CNTN4: variants seen among roughly 807,000 people sequenced by gnomAD.
The protein encoded by CNTN4 is contactin 4.
Under a neutral mutation model 122.5 loss-of-function variants are expected in CNTN4, and 77 were observed. That is an observed-to-expected ratio of 0.63 (90% CI 0.52 to 0.76). CNTN4 has a LOEUF of 0.76. Ranked by LOEUF, CNTN4 falls within the 30% of genes least tolerant of loss-of-function variation. The pLI is 0.00. For missense variants in CNTN4, 1,256 were observed against 1,259.1 expected (o/e 1.00, Z 0.04); for synonymous variants, 512 against 447.0 (o/e 1.15, Z -1.83).
At chr3:2,241,385 A>G (rs1269223916) in intron 2 of CNTN4, among the ~76,000 whole-genome samples, 1 of 152,100 alleles carries the variant, frequency 6.6e-6, no homozygotes, top group African/African-American at 2.4e-5. Flanking sequence ...TTTTCTAATC[A>G]TCAACTCATT....
intron 4 of CNTN4, among the ~76,000 whole-genome samples, chr3:2,585,805 T>C (rs557613410): frequency 6.7e-5 from 10 of 150,220 alleles, no homozygotes; most frequent in African/African-American, 2.2e-4. Flanking sequence ...AACCTGCACA[T>C]TGTGCACACG....
intron 6 of CNTN4, among the ~76,000 whole-genome samples, chr3:2,757,010 AT>A (rs1199603821): frequency 6.6e-6 from 1 of 152,218 alleles, no homozygotes; most frequent in Non-Finnish European, 1.5e-5. Flanking sequence ...ACTTTGATCA[AT>A]TTTTTAAAAA....
intron 7 of CNTN4, among the ~76,000 whole-genome samples, chr3:2,842,552 C>T (rs1208216099): frequency 6.6e-6 from 1 of 152,206 alleles, no homozygotes; most frequent in African/African-American, 2.4e-5. Flanking sequence ...AATTTCTATG[C>T]TCCTCTTACG....
chr3:2,968,343 T>G (rs1692540292), intron 13 of CNTN4, among the ~76,000 whole-genome samples: 1 of 152,146 alleles, frequency 6.6e-6, no homozygotes, highest in Admixed American at 6.5e-5. Flanking sequence ...GAAAAAAATG[T>G]GGAAAGGCCA....
chr3:2,362,144 G>A (rs1575462227), intron 3 of CNTN4: 1 of 155,942 alleles, frequency 6.4e-6, no homozygotes, highest in African/African-American at 2.4e-5. Context: ...GTTAAGGAGA[G>A]TGGCTTGAGC....
At chr3:2,309,901 C>T (rs1013279976) in intron 2 of CNTN4, among the ~76,000 whole-genome samples, 4 of 152,106 alleles carry the variant, frequency 2.6e-5, no homozygotes, top group African/African-American at 9.7e-5. Context: ...ATGTTGTTTA[C>T]TGATACTTAC....
chr3:2,129,627 G>A (rs1479649793), intron 2 of CNTN4, among the ~76,000 whole-genome samples: 1 of 151,750 alleles, frequency 6.6e-6, no homozygotes, highest in Non-Finnish European at 1.5e-5. Context: ...CCAAAAATAT[G>A]CTGGAGACTT....
chr3:2,892,403 A>G (rs2094053417), intron 10 of CNTN4: 1 of 152,246 alleles, frequency 6.6e-6, no homozygotes, highest in Non-Finnish European at 1.5e-5. Context: ...AGATTAAATG[A>G]CATGCAAGAG....
In CNTN4 at chr3:2,887,029, C is replaced by G; in HGVS notation, c.756-11C>G. The G allele has an allele frequency of 1.9e-6, 3 of 1,612,226 alleles. No individual in the cohort carries two copies. Among genetic ancestry groups the G allele is most frequent in the Non-Finnish European group, 2.5e-6 (3 of 1,178,890 alleles). On this transcript the variant is annotated splice_polypyrimidine_tract_variant and intron_variant, in intron 9 of 24. Transcript: ENST00000418658. ...CTAGTTTGATTCACTCCTTTTTATTCTTGCTATCAGTCCAGTACCAACTAT... is the reference window on the plus strand; with the variant it reads ...CTAGTTTGATTCACTCCTTTTTATTGTTGCTATCAGTCCAGTACCAACTAT...
chr3:3,044,775 G>A (rs921410440), intron 23 of CNTN4, among the ~76,000 whole-genome samples: 1 of 152,184 alleles, frequency 6.6e-6, no homozygotes, highest in South Asian at 2.1e-4. Context: ...GGACAGTGGG[G>A]GAAGTGCACC....
chr3:2,529,891 C>T (rs538551195), intron 3 of CNTN4, among the ~76,000 whole-genome samples: 69 of 152,126 alleles, frequency 4.5e-4, no homozygotes, highest in Non-Finnish European at 9.4e-4. Flanking sequence ...TTAACAGCTG[C>T]TGGTTTGATT....
chr3:2,364,273 T>C (rs1429066680), intron 3 of CNTN4, among the ~76,000 whole-genome samples: 1 of 152,226 alleles, frequency 6.6e-6, no homozygotes, highest in African/African-American at 2.4e-5. Flanking sequence ...CTCAGAGTTG[T>C]TGTCTCGATA....
chr3:2,414,832 T>C (rs2047356327), intron 3 of CNTN4, among the ~76,000 whole-genome samples: 1 of 152,148 alleles, frequency 6.6e-6, no homozygotes, highest in African/African-American at 2.4e-5. Flanking sequence ...CCCAAAAGAA[T>C]ATTTCAGATC....
intron 2 of CNTN4, among the ~76,000 whole-genome samples, chr3:2,214,129 A>G (rs1291785548): frequency 6.6e-6 from 1 of 152,082 alleles, no homozygotes; most frequent in East Asian, 1.9e-4. Context: ...TTAAATGTAT[A>G]TTTGCTCAAG....
intron 3 of CNTN4, among the ~76,000 whole-genome samples, chr3:2,388,350 G>A (rs937878423): frequency 1.3e-5 from 2 of 152,116 alleles, no homozygotes; most frequent in Non-Finnish European, 2.9e-5. Context: ...TCAATGCATT[G>A]CCATTCTCAG....
chr3:2,871,180 C>T (rs4608676), intron 8 of CNTN4, among the ~76,000 whole-genome samples: 15,986 of 152,186 alleles, frequency 0.11, 1,812 homozygotes, highest in East Asian at 0.65. Context: ...AGTTTAACCT[C>T]ATTGTACTTA....
chr3:2,965,838 T>G (rs899735454), intron 13 of CNTN4, among the ~76,000 whole-genome samples: 1 of 152,186 alleles, frequency 6.6e-6, no homozygotes, highest in Non-Finnish European at 1.5e-5. Flanking sequence ...GTCCCCTGTA[T>G]GTATCTAACT....
At chr3:2,409,571 A>G (rs1249923834) in intron 3 of CNTN4, among the ~76,000 whole-genome samples, 1 of 152,120 alleles carries the variant, frequency 6.6e-6, no homozygotes, top group African/African-American at 2.4e-5. Flanking sequence ...CAATACTGCT[A>G]TAGTGGTTGC....
At chr3:2,611,684 G>T (rs1413366258) in intron 4 of CNTN4, among the ~76,000 whole-genome samples, 1 of 152,092 alleles carries the variant, frequency 6.6e-6, no homozygotes, top group African/African-American at 2.4e-5. Flanking sequence ...GAAGGAACCT[G>T]CAAGTGTCAA....
Sources: gnomAD v4.1 joint callset for allele counts (sites outside exome capture counted in the v4.1 genomes callset) on GRCh38, gnomAD v4.1.1 for gene constraint, MANE v1.5 for transcripts, NCBI Gene and HGNC (gene_info 2026-07-23, HGNC 2026-07-21) for gene names.